SLC39A11: variants seen among roughly 807,000 people sequenced by gnomAD.
SLC39A11 encodes zinc transporter ZIP11.
In SLC39A11, 33 loss-of-function variants were observed where a neutral mutation model predicts 36.1. The ratio of observed to expected loss-of-function variants is 0.91; its 90% CI spans 0.69 to 1.22. The LOEUF (loss-of-function observed/expected upper bound fraction) is 1.22, where lower values mean the gene tolerates loss of function less well. SLC39A11 is among the 50% of genes most tolerant of loss of function. The probability of loss-of-function intolerance (pLI) is 0.00; values close to 1 mark genes in which losing one functional copy is unlikely to be tolerated. For synonymous variants in SLC39A11, 166 were observed against 170.3 expected, an observed-to-expected ratio of 0.97 and a Z score of 0.20; for missense variants, 432 against 430.3, an observed-to-expected ratio of 1.00 and a Z score of -0.03.
intron 6 of SLC39A11, among the ~76,000 whole-genome samples, chr17:72,745,400 T>C (rs1293541513): frequency 6.6e-6 from 1 of 152,154 alleles, no homozygotes; most frequent in Admixed American, 6.5e-5. Flanking sequence ...GGCTTCTAAA[T>C]AGGATACAGT....
chr17:73,008,778 G>A lies in SLC39A11; in HGVS notation c.306+22778C>T, dbSNP rs544627457. 1.6e-3 allele frequency among the ~76,000 whole-genome samples: 249 copies of A among 152,272 alleles called. 1 individual carries two copies. Among genetic ancestry groups the A allele is most frequent in the African/African-American group, 5.8e-3 (242 of 41,550 alleles). On this transcript the variant is annotated intron_variant, in intron 4 of 9. Transcript: ENST00000255559. ...AAAAAGCAATGACGTTCTCGGCCAG[G>A]CACAGTGGCTCACGCCTGTAATCCC...
intron 7 of SLC39A11, among the ~76,000 whole-genome samples, chr17:72,691,743 G>A (rs1036628562): frequency 4.6e-5 from 7 of 152,268 alleles, no homozygotes; most frequent in East Asian, 3.9e-4. Context: ...ATTCCCATGC[G>A]TAGATGACTT....
intron 7 of SLC39A11, among the ~76,000 whole-genome samples, chr17:72,664,695 A>C (rs1189775874): frequency 1.3e-5 from 2 of 152,208 alleles, no homozygotes; most frequent in African/African-American, 4.8e-5. Flanking sequence ...AAGACACTGC[A>C]GTGGCTCCCC....
At position 72,828,321 on chromosome 17, in the gene SLC39A11, T is replaced by C. The variant is rs1477661818; in HGVS notation, c.601+21313A>G. On this transcript the variant is annotated intron_variant, in intron 6 of 9. Transcript: ENST00000255559. Reference sequence around the variant, plus strand: ...AAAAGGAAGGTAGGAGAGTTAGCAATAGAGTAATGCAATGCAAGAAAGATT... The same window carrying C: ...AAAAGGAAGGTAGGAGAGTTAGCAACAGAGTAATGCAATGCAAGAAAGATT... Among the ~76,000 whole-genome samples, 3 of 152,038 alleles carry C rather than the reference T, an allele frequency of 2.0e-5. No homozygotes were observed. In the East Asian group the frequency reaches 5.8e-4, roughly 29 times the overall value.
chr17:72,992,632 G>A (rs1441481348), intron 4 of SLC39A11, among the ~76,000 whole-genome samples: 3 of 152,096 alleles, frequency 2.0e-5, no homozygotes, highest in South Asian at 2.1e-4. Flanking sequence ...ACTCTATAAC[G>A]TCTTTTGTCA....
intron 7 of SLC39A11, among the ~76,000 whole-genome samples, chr17:72,719,432 T>C (rs1460246463): frequency 6.6e-6 from 1 of 152,192 alleles, no homozygotes; most frequent in Non-Finnish European, 1.5e-5. Context: ...TGAGCTGCCT[T>C]TCTTGGCGTA....
At chr17:72,830,106 C>T (rs1031028692) in intron 6 of SLC39A11, among the ~76,000 whole-genome samples, 19 of 152,210 alleles carry the variant, frequency 1.2e-4, no homozygotes, top group African/African-American at 4.6e-4. Context: ...TGCACACATG[C>T]ATACACATGT....
chr17:72,919,316 C>CA (rs950203894), intron 5 of SLC39A11, among the ~76,000 whole-genome samples: 6 of 151,582 alleles, frequency 4.0e-5, no homozygotes, highest in Admixed American at 6.6e-5. Flanking sequence ...TTTGGAAAAA[C>CA]AAAAAAACAG....
intron 5 of SLC39A11, among the ~76,000 whole-genome samples, chr17:72,862,699 G>A (rs184747442): frequency 4.5e-4 from 68 of 152,232 alleles, no homozygotes; most frequent in African/African-American, 1.6e-3. Context: ...AATACAGATT[G>A]TCCTAGTGTT....
chr17:72,690,743 G>C (rs1052208131), intron 7 of SLC39A11, among the ~76,000 whole-genome samples: 1 of 152,132 alleles, frequency 6.6e-6, no homozygotes, highest in African/African-American at 2.4e-5. Flanking sequence ...AAGAGAGGTG[G>C]TGGAGTCTCA....
At chr17:72,880,097 G>A (rs1351713588) in intron 5 of SLC39A11, among the ~76,000 whole-genome samples, 1 of 152,196 alleles carries the variant, frequency 6.6e-6, no homozygotes, top group Non-Finnish European at 1.5e-5. Flanking sequence ...TGCTGTTTCA[G>A]TGTGTTGGTC....
At chr17:73,006,461 G>C (rs1409129570) in intron 4 of SLC39A11, among the ~76,000 whole-genome samples, 1 of 152,164 alleles carries the variant, frequency 6.6e-6, no homozygotes, top group African/African-American at 2.4e-5. Flanking sequence ...AAAGGAAGGG[G>C]AAGGGAGAAG....
intron 5 of SLC39A11, among the ~76,000 whole-genome samples, chr17:72,897,546 G>C (rs1376606915): frequency 6.6e-6 from 1 of 152,170 alleles, no homozygotes; most frequent in Admixed American, 6.5e-5. Flanking sequence ...AAATGCCAGA[G>C]AGGCAACGGG....
intron 3 of SLC39A11, among the ~76,000 whole-genome samples, chr17:73,072,936 T>C (rs1205753266): frequency 1.3e-5 from 2 of 152,218 alleles, no homozygotes; most frequent in African/African-American, 2.4e-5. Flanking sequence ...TCCCAGCACT[T>C]TGGGAGGCCA....
intron 7 of SLC39A11, among the ~76,000 whole-genome samples, chr17:72,719,996 G>T (rs959280445): frequency 6.6e-6 from 1 of 152,196 alleles, no homozygotes; most frequent in Non-Finnish European, 1.5e-5. Context: ...CAGGAAACTG[G>T]GGCGCAAAAG....
At chr17:72,714,230 C>T (rs1181814991) in intron 7 of SLC39A11, among the ~76,000 whole-genome samples, 1 of 152,058 alleles carries the variant, frequency 6.6e-6, no homozygotes, top group African/African-American at 2.4e-5. Flanking sequence ...GTGGTGCGCA[C>T]CTGTACTCCC....
At chr17:72,904,017 G>C (rs1212500167) in intron 5 of SLC39A11, among the ~76,000 whole-genome samples, 1 of 152,224 alleles carries the variant, frequency 6.6e-6, no homozygotes, top group Non-Finnish European at 1.5e-5. Context: ...GCCAGGCACT[G>C]TGCTGTATAC....
intron 6 of SLC39A11, among the ~76,000 whole-genome samples, chr17:72,831,944 T>C (rs1023826819): frequency 3.9e-5 from 6 of 152,224 alleles, no homozygotes; most frequent in African/African-American, 1.4e-4. Context: ...CCGATAGAAC[T>C]ATGAAAAATA....
At chr17:72,659,468 G>A (rs552946230) in intron 7 of SLC39A11, among the ~76,000 whole-genome samples, 2 of 152,118 alleles carry the variant, frequency 1.3e-5, no homozygotes, top group Non-Finnish European at 2.9e-5. Flanking sequence ...GGGTGAGCTA[G>A]GTCTTCCTTT....
Sources: gnomAD v4.1 joint callset for allele counts (sites outside exome capture counted in the v4.1 genomes callset) on GRCh38, gnomAD v4.1.1 for gene constraint, MANE v1.5 for transcripts, NCBI Gene and HGNC (gene_info 2026-07-23, HGNC 2026-07-21) for gene names.